Variants in PSMD1 observed in about 807,000 individuals in gnomAD.
PSMD1 encodes proteasome 26S subunit, non-ATPase 1.
In PSMD1, 18 loss-of-function variants were observed where a neutral mutation model predicts 119.0. The ratio of observed to expected loss-of-function variants is 0.15; its 90% CI spans 0.10 to 0.22. The LOEUF (loss-of-function observed/expected upper bound fraction) is 0.22, where lower values mean the gene tolerates loss of function less well. Among genes scored for constraint, PSMD1 ranks in the 10% least tolerant of loss-of-function variants. The probability of loss-of-function intolerance (pLI) is 1.00; values close to 1 mark genes in which losing one functional copy is unlikely to be tolerated. For synonymous variants in PSMD1, 374 were observed against 396.6 expected, an observed-to-expected ratio of 0.94 and a Z score of 0.68; for missense variants, 702 against 1,158.5, an observed-to-expected ratio of 0.61 and a Z score of 5.72.
At chr2:231,168,237 G>C (rs1163507603) in intron 23 of PSMD1, among the ~76,000 whole-genome samples, 1 of 152,180 alleles carries the variant, frequency 6.6e-6, no homozygotes, top group African/African-American at 2.4e-5. Context: ...TACAGCCACA[G>C]TGGAAAAAAA....
rs565009956 is a variant in PSMD1, at chr2:231,146,119, T to A, written c.1999-121T>A. The A allele has an allele frequency of 2.2e-4, 141 of 646,932 alleles. 2 individuals carry two copies. In the African/African-American group the frequency reaches 2.3e-3, roughly 11 times the overall value. 40.1% of individuals were successfully genotyped at this position (646,932 alleles called of 1,614,324 possible). The stretch of plus-strand genomic sequence containing the variant: ...TTTTTCAACTCCATTATAATGGGAC[T>A]ACCATCATATATGCAGTGTGTCACT... On this transcript the variant is annotated intron_variant, in intron 17 of 24. Transcript: ENST00000308696.
intron 18 of PSMD1, 97 bp downstream of exon 18, chr2:231,146,453 A>G: frequency 4.7e-6 from 4 of 842,676 alleles, no homozygotes; most frequent in Non-Finnish European, 7.8e-6. Context: ...CAAATATGGT[A>G]AACACTGAAA....
intron 9 of PSMD1, among the ~76,000 whole-genome samples, chr2:231,077,634 T>G (rs1371959936): frequency 1.3e-5 from 2 of 152,212 alleles, no homozygotes; most frequent in Non-Finnish European, 2.9e-5. Context: ...CTTACCTTGT[T>G]GCAGTGTTTG....
At chr2:231,059,077 A>G (rs971579093) in intron 1 of PSMD1, among the ~76,000 whole-genome samples, 2 of 152,212 alleles carry the variant, frequency 1.3e-5, no homozygotes, top group African/African-American at 4.8e-5. Context: ...CAGCCAGTCA[A>G]AGCAATTAAT....
Position 231,085,129 on chromosome 2 carries a change from C to T in PSMD1, c.1818+15C>T. 6.2e-7 allele frequency: 1 copy of T among 1,604,362 alleles called. No homozygotes were observed. Among genetic ancestry groups the T allele is most frequent in the East Asian group, 2.2e-5 (1 of 44,800 alleles). ...TACATGTTGCTGTAAGTACTCTGACCTTTCTTGGGAATGGGGTGGACGGAA... is the reference window on the plus strand; with the variant it reads ...TACATGTTGCTGTAAGTACTCTGACTTTTCTTGGGAATGGGGTGGACGGAA... On this transcript the variant is annotated intron_variant, in intron 15 of 24. Transcript: ENST00000308696.
chr2:231,150,413 GACATATATAT>G (rs923824314), intron 18 of PSMD1, among the ~76,000 whole-genome samples: 1 of 151,126 alleles, frequency 6.6e-6, no homozygotes, highest in African/African-American at 2.4e-5. Flanking sequence ...CACATATATA[GACATATATAT>G]AGAGACATAT....
At chr2:231,064,557 C>T (rs975145749) in intron 4 of PSMD1, among the ~76,000 whole-genome samples, 2 of 152,148 alleles carry the variant, frequency 1.3e-5, no homozygotes, top group Non-Finnish European at 2.9e-5. Flanking sequence ...GTAATGTTTC[C>T]TCACTTAGCT....
At chr2:231,147,397 T>C (rs1696277488) in intron 18 of PSMD1, among the ~76,000 whole-genome samples, 1 of 152,164 alleles carries the variant, frequency 6.6e-6, no homozygotes. Flanking sequence ...ATTTGGGAGC[T>C]GAGGTGGGAG....
chr2:231,066,877 G>T, intron 4 of PSMD1, 29 bp from the exon 5 acceptor site: 1 of 1,530,778 alleles, frequency 6.5e-7, no homozygotes, highest in South Asian at 1.3e-5. Context: ...CAATTTACAA[G>T]ATAATCAGTT....
intron 16 of PSMD1, among the ~76,000 whole-genome samples, chr2:231,091,075 G>A (rs1187832104): frequency 1.3e-5 from 2 of 152,176 alleles, no homozygotes; most frequent in African/African-American, 4.8e-5. Context: ...GTGAAGGAGT[G>A]GGCTAGGGGG....
intron 16 of PSMD1, among the ~76,000 whole-genome samples, chr2:231,128,841 C>T (rs937758518): frequency 1.3e-5 from 2 of 152,184 alleles, no homozygotes; most frequent in African/African-American, 2.4e-5. Flanking sequence ...TCTTTAAGCC[C>T]TCCCCAGGTT....
intron 19 of PSMD1, among the ~76,000 whole-genome samples, chr2:231,159,153 C>T (rs1339704879): frequency 1.3e-5 from 2 of 152,178 alleles, no homozygotes; most frequent in Non-Finnish European, 2.9e-5. Flanking sequence ...CAGGAATCCA[C>T]ATTGGAATTC....
chr2:231,062,469 A>G, intron 3 of PSMD1, 37 bp from the exon 4 acceptor site: 1 of 1,565,644 alleles, frequency 6.4e-7, no homozygotes. Flanking sequence ...GGAAAACCAC[A>G]GTTTGAACTA....
intron 9 of PSMD1, among the ~76,000 whole-genome samples, chr2:231,077,796 AT>A (rs560490025): frequency 0.019 from 2,934 of 152,274 alleles, 50 homozygotes; most frequent in Middle Eastern, 0.048. Context: ...TCGCAAAGTC[AT>A]TTTTTTATAG....
intron 16 of PSMD1, among the ~76,000 whole-genome samples, chr2:231,125,529 A>G (rs186496977): frequency 6.6e-6 from 1 of 152,298 alleles, no homozygotes; most frequent in Admixed American, 6.5e-5. Context: ...TTGCAACCTT[A>G]TATAGAAGAG....
chr2:231,109,031 T>A (rs1349080953), intron 16 of PSMD1: 1 of 1,614,170 alleles, frequency 6.2e-7, no homozygotes, highest in Non-Finnish European at 8.5e-7. Flanking sequence ...CTGCACTGAC[T>A]TTTTCCCAAT....
At chr2:231,098,101 G>A (rs1015032584) in intron 16 of PSMD1, among the ~76,000 whole-genome samples, 13 of 152,220 alleles carry the variant, frequency 8.5e-5, no homozygotes, top group Non-Finnish European at 1.6e-4. Flanking sequence ...GCAGGGTGCC[G>A]GACTGCTTTC....
At chr2:231,109,304 A>C in intron 16 of PSMD1, 1 of 1,614,036 alleles carries the variant, frequency 6.2e-7, no homozygotes, top group Admixed American at 1.7e-5. Context: ...CAGTGAGCCA[A>C]AGAGCATGAA....
intron 9 of PSMD1, among the ~76,000 whole-genome samples, chr2:231,077,421 G>A (rs1694195324): frequency 6.6e-6 from 1 of 152,004 alleles, no homozygotes; most frequent in Non-Finnish European, 1.5e-5. Flanking sequence ...CATTTTTAAT[G>A]TATACATGGA....
Sources: gnomAD v4.1 joint callset for allele counts (sites outside exome capture counted in the v4.1 genomes callset) on GRCh38, gnomAD v4.1.1 for gene constraint, MANE v1.5 for transcripts, NCBI Gene and HGNC (gene_info 2026-07-23, HGNC 2026-07-21) for gene names.